CENPP: variants seen among roughly 807,000 people sequenced by gnomAD.
CENPP encodes centromere protein P.
Under a neutral mutation model 35.6 loss-of-function variants are expected in CENPP, and 24 were observed. That is an observed-to-expected ratio of 0.67 (90% CI 0.49 to 0.95). The LOEUF is 0.95. Ranked by LOEUF, CENPP falls within the 40% of genes least tolerant of loss-of-function variation. CENPP has a pLI of 0.00. For synonymous variants in CENPP, 120 were observed against 125.5 expected (o/e 0.96, Z 0.29); for missense variants, 332 against 345.3 (o/e 0.96, Z 0.31).
chr9:92,326,847 G>C (rs1054160089), intron 1 of CENPP, among the ~76,000 whole-genome samples: 3 of 152,222 alleles, frequency 2.0e-5, no homozygotes, highest in African/African-American at 7.2e-5. Context: ...CAATTTTTGA[G>C]TCAAGAGTAA....
intron 5 of CENPP, among the ~76,000 whole-genome samples, chr9:92,422,338 G>A (rs1322593771): frequency 6.6e-6 from 1 of 152,182 alleles, no homozygotes; most frequent in Non-Finnish European, 1.5e-5. Context: ...ACAGGTGTGA[G>A]CCACCTGCCT....
At chr9:92,527,034 G>A (rs1848457446) in intron 5 of CENPP, among the ~76,000 whole-genome samples, 1 of 151,862 alleles carries the variant, frequency 6.6e-6, no homozygotes, top group Admixed American at 6.6e-5. Flanking sequence ...TTAGAGACAG[G>A]GTCTGGCTCT....
At chr9:92,334,559 A>G (rs1840861258) in intron 2 of CENPP, among the ~76,000 whole-genome samples, 2 of 152,188 alleles carry the variant, frequency 1.3e-5, no homozygotes, top group Non-Finnish European at 2.9e-5. Flanking sequence ...GAACTTTGTT[A>G]AAAATGCACC....
In CENPP at chr9:92,593,416, A is replaced by G. The variant is rs1412670434; in HGVS notation, c.565-17898A>G. ...GTGAACCAGAAATATTTTTACTGAA[A>G]TTACTCTAGGAAAGCAAAGCCGTTT... On this transcript the variant is annotated intron_variant, in intron 5 of 7. Transcript: ENST00000375587. This position sits in a 1 kb window ranked among gnomAD's most constrained non-coding sequence, Gnocchi z 4.1. Among the ~76,000 whole-genome samples, 1 of 152,238 alleles carries G rather than the reference A, an allele frequency of 6.6e-6. No homozygotes were observed. The highest frequency in any genetic ancestry group is 1.5e-5 in the Non-Finnish European group (1 of 68,046).
intron 5 of CENPP, among the ~76,000 whole-genome samples, chr9:92,478,880 T>TAAA (rs74312812): frequency 6.8e-6 from 1 of 146,014 alleles, no homozygotes; most frequent in Admixed American, 6.8e-5. Context: ...CTATGGAACT[T>TAAA]AAAAAAAAAA....
intron 4 of CENPP, among the ~76,000 whole-genome samples, chr9:92,377,939 T>C (rs1842161469): frequency 6.6e-6 from 1 of 152,212 alleles, no homozygotes; most frequent in African/African-American, 2.4e-5. Context: ...GATTCTTGTC[T>C]GAAGGCTCCT....
chr9:92,406,944 TA>T (rs916747357), intron 5 of CENPP, among the ~76,000 whole-genome samples: 3 of 152,198 alleles, frequency 2.0e-5, no homozygotes, highest in Non-Finnish European at 2.9e-5. Context: ...TTACATTTGA[TA>T]ATTCCCTAGA....
chr9:92,401,158 C>T (rs892054953), intron 5 of CENPP: 3 of 1,537,558 alleles, frequency 2.0e-6, no homozygotes, highest in Admixed American at 1.7e-5. Context: ...AGACTTTTCT[C>T]ATTGGGTATT....
In CENPP at chr9:92,476,418, G is replaced by A. The variant is rs750629654; in HGVS notation, c.564+96559G>A. ...GGTATGTCTTTTTTAATCACCAGAC[G>A]AGGGCTAGAATGTCCTACTGTCATT... On this transcript the variant is annotated intron_variant, in intron 5 of 7. Transcript: ENST00000375587. This position sits in a 1 kb window ranked among gnomAD's most constrained non-coding sequence, Gnocchi z 4.1. 6.6e-6 allele frequency among the ~76,000 whole-genome samples: 1 copy of A among 152,050 alleles called. No individual in the cohort carries two copies. The highest frequency in any genetic ancestry group is 1.5e-5 in the Non-Finnish European group (1 of 68,010).
chr9:92,518,008 G>T, intron 5 of CENPP: 2 of 1,046,424 alleles, frequency 1.9e-6, no homozygotes, highest in Non-Finnish European at 2.8e-6. Flanking sequence ...TCATGTATAG[G>T]GTAAAGATGT....
At chr9:92,357,873 A>C (rs574662784) in intron 4 of CENPP, among the ~76,000 whole-genome samples, 11 of 151,670 alleles carry the variant, frequency 7.3e-5, no homozygotes, top group African/African-American at 2.7e-4. Context: ...TTCTTTTAGC[A>C]CTTTGAATAT....
intron 5 of CENPP, among the ~76,000 whole-genome samples, chr9:92,581,013 G>A (rs551271769): frequency 3.5e-3 from 533 of 151,998 alleles, no homozygotes; most frequent in African/African-American, 0.012. Context: ...CTTTATTCTC[G>A]TTGGTTTCAA....
intron 5 of CENPP, among the ~76,000 whole-genome samples, chr9:92,450,769 C>G (rs1844685344): frequency 6.6e-6 from 1 of 151,972 alleles, no homozygotes; most frequent in Admixed American, 6.6e-5. Context: ...TGTTTCCTGA[C>G]TTTTTAATGA....
chr9:92,562,836 G>T (rs541153854), intron 5 of CENPP, among the ~76,000 whole-genome samples: 2 of 152,066 alleles, frequency 1.3e-5, no homozygotes, highest in African/African-American at 4.8e-5. Flanking sequence ...TTTGGCAACC[G>T]ATGTAACCCA....
Position 92,600,658 on chromosome 9 carries a change from G to T in CENPP, c.565-10656G>T, listed in dbSNP as rs929550823. 6 of 1,382,958 alleles carry T rather than the reference G, an allele frequency of 4.3e-6. No individual in the cohort carries two copies. In the African/African-American group the frequency reaches 8.6e-5, roughly 20 times the overall value. 85.7% of individuals were successfully genotyped at this position (1,382,958 alleles called of 1,614,324 possible). On this transcript the variant is annotated intron_variant, in intron 5 of 7. Coordinates refer to ENST00000375587, the MANE Select transcript of CENPP (RefSeq NM_001012267.3). ...TCGGCCATCCCTTCTGGTGGGGGTTGTGTTTTTGCTCCTGTGGCAAAGTGC... is the reference window on the plus strand; with the variant it reads ...TCGGCCATCCCTTCTGGTGGGGGTTTTGTTTTTGCTCCTGTGGCAAAGTGC...
At chr9:92,405,513 G>A (rs975559067) in intron 5 of CENPP, among the ~76,000 whole-genome samples, 10 of 152,232 alleles carry the variant, frequency 6.6e-5, no homozygotes, top group Non-Finnish European at 1.0e-4. Context: ...TTATTTGAAT[G>A]TGAATTATCT....
At chr9:92,554,417 A>G (rs1588271151) in intron 5 of CENPP, among the ~76,000 whole-genome samples, 1 of 152,004 alleles carries the variant, frequency 6.6e-6, no homozygotes. Context: ...TCCTGACCTC[A>G]GGTGATCCAC....
chr9:92,538,526 T>C (rs1849242702), intron 5 of CENPP, among the ~76,000 whole-genome samples: 1 of 152,200 alleles, frequency 6.6e-6, no homozygotes, highest in Admixed American at 6.5e-5. Context: ...ACTCTTAAAG[T>C]AACAGCACTG....
At chr9:92,571,503 T>A (rs992585199) in intron 5 of CENPP, among the ~76,000 whole-genome samples, 1 of 152,222 alleles carries the variant, frequency 6.6e-6, no homozygotes, top group African/African-American at 2.4e-5. Flanking sequence ...CTTCCAACTA[T>A]GTGGTCAATT....
Sources: allele counts gnomAD v4.1 joint callset (sites outside exome capture counted in the v4.1 genomes callset), GRCh38; gene constraint gnomAD v4.1.1; non-coding constraint Gnocchi (gnomAD v3.1); transcripts MANE v1.5; gene names NCBI Gene and HGNC (gene_info 2026-07-23, HGNC 2026-07-21).